The following TRAF3IP2 variants were observed in gnomAD, a reference collection of about 807,000 sequenced individuals.
The protein encoded by TRAF3IP2 is E3 ubiquitin ligase TRAF3IP2.
In TRAF3IP2, 35 loss-of-function variants were observed where a neutral mutation model predicts 57.9. The ratio of observed to expected loss-of-function variants is 0.60; its 90% CI spans 0.46 to 0.80. The LOEUF is 0.80. Ranked by LOEUF, TRAF3IP2 falls within the 30% of genes least tolerant of loss-of-function variation. The pLI is 0.00. For missense variants in TRAF3IP2, 556 were observed against 706.4 expected, an observed-to-expected ratio of 0.79 and a Z score of 2.41; for synonymous variants, 251 against 268.9, an observed-to-expected ratio of 0.93 and a Z score of 0.65.
At chr6:111,597,480 C>A (rs1423822158) in intron 1 of TRAF3IP2, among the ~76,000 whole-genome samples, 2 of 152,214 alleles carry the variant, frequency 1.3e-5, no homozygotes, top group African/African-American at 4.8e-5. Flanking sequence ...ACCCTGCCAA[C>A]TCTCCTGAGG....
intron 8 of TRAF3IP2, among the ~76,000 whole-genome samples, chr6:111,560,867 G>C (rs1336393772): frequency 1.3e-5 from 2 of 152,256 alleles, no homozygotes; most frequent in South Asian, 2.1e-4. Flanking sequence ...AAGGGACAAT[G>C]AAATATATCA....
intron 5 of TRAF3IP2, 122 bp from the exon 6 acceptor site, chr6:111,567,814 G>T: frequency 2.9e-6 from 2 of 683,730 alleles, no homozygotes; most frequent in Non-Finnish European, 4.4e-6. Context: ...CTTTTTGCAA[G>T]AAGGAGCACA....
At chr6:111,581,277 G>T (rs3777911) in intron 2 of TRAF3IP2, among the ~76,000 whole-genome samples, 40 of 152,142 alleles carry the variant, frequency 2.6e-4, no homozygotes, top group Middle Eastern at 6.8e-3. Context: ...AGGCCCAAAG[G>T]GGGTAAGGTG....
chr6:111,572,676 G>A (rs1254995160), intron 5 of TRAF3IP2: 3 of 545,560 alleles, frequency 5.5e-6, no homozygotes, highest in South Asian at 2.2e-5. Flanking sequence ...AGGTACTTGG[G>A]GTCACTCAAA....
chr6:111,577,016 C>A (rs1796011527), intron 3 of TRAF3IP2: 1 of 151,776 alleles, frequency 6.6e-6, no homozygotes, highest in Admixed American at 6.6e-5. Flanking sequence ...TACACAGAAT[C>A]TCAACTGTAC....
intron 4 of TRAF3IP2, chr6:111,574,099 G>T (rs564551317): frequency 1.6e-4 from 25 of 152,344 alleles, no homozygotes; most frequent in African/African-American, 6.0e-4. Context: ...GGACTATAAT[G>T]TATGTGGGGC....
chr6:111,566,305 C>G, intron 7 of TRAF3IP2, 139 bp downstream of exon 7: 1 of 707,126 alleles, frequency 1.4e-6, no homozygotes, highest in South Asian at 1.7e-5. Flanking sequence ...AACAGCTCCT[C>G]TCCTGACATG....
In TRAF3IP2 at chr6:111,567,638, G is replaced by C; in HGVS notation, c.1345C>G (p.Arg449Gly). The C allele has an allele frequency of 6.2e-7, 1 of 1,609,250 alleles. No homozygotes were observed. The highest frequency in any genetic ancestry group is 8.5e-7 in the Non-Finnish European group (1 of 1,178,146). ...RGIDIIKWME[R>G]YLRDKTVMII... is the part of the protein sequence containing the mutation. ...AATGTACTTACATCCCTAAGGTAGC[G>C]CTCCATCCATTTAATGATATCAATG... The change falls in exon 6 of 9, where the codon CGC becomes GGC. Residue 449 changes from arginine (R) to glycine (G), a missense_variant. Physicochemically the swap from Arg to Gly is moderately radical, Grantham distance 125. Coordinates refer to ENST00000368761, the MANE Select transcript of TRAF3IP2 (RefSeq NM_147686.4).
chr6:111,572,920 A>C lies in TRAF3IP2; in HGVS notation c.1265T>G (p.Leu422Trp). The C allele has an allele frequency of 6.2e-7, 1 of 1,614,088 alleles. No homozygotes were observed. Among genetic ancestry groups the C allele is most frequent in the Non-Finnish European group, 8.5e-7 (1 of 1,179,992 alleles). The change falls in exon 5 of 9, where the codon TTG (leucine) becomes TGG (tryptophan). Residue 422 changes from leucine (L) to tryptophan (W), a missense_variant. This residue lies in a region of TRAF3IP2 where 128 missense variants were observed against 207.7 expected (regional missense o/e 0.62). Coordinates refer to ENST00000368761, the MANE Select transcript of TRAF3IP2 (RefSeq NM_147686.4). ...AMEVVKFVNFLLVNGFQTAID... is the reference protein window; with the variant it reads ...AMEVVKFVNFWLVNGFQTAID... ...TGCAGTTTGGAAGCCATTTACCAAC[A>C]AAAAGTTCACGAATTTCACCACCTC...
rs759924985 is a variant in TRAF3IP2, at chr6:111,580,377, T to A, written c.842A>T (p.Tyr281Phe). ...CACTTGCTGGTAGGCTGCTCGAGGG[T>A]AGTCATGGCCATCTGTAGGTGAAGA... ...PDHQVPYGHD[Y>F]PRAAYQQVIQ... The change falls in exon 3 of 9, where the codon TAC becomes TTC. Residue 281 changes from tyrosine (Y) to phenylalanine (F), a missense_variant. Around this residue, in one of 2 missense-constraint regions of TRAF3IP2, gnomAD observed 428 missense variants for 498.7 expected, o/e 0.86. Coordinates refer to ENST00000368761, the MANE Select transcript of TRAF3IP2 (RefSeq NM_147686.4). 6.4e-7 allele frequency: 1 copy of A among 1,554,954 alleles called. No homozygotes were observed. Among genetic ancestry groups the A allele is most frequent in the South Asian group, 1.2e-5 (1 of 80,922 alleles).
chr6:111,562,288 A>G (rs896458772), intron 8 of TRAF3IP2, among the ~76,000 whole-genome samples: 3 of 152,222 alleles, frequency 2.0e-5, no homozygotes, highest in Non-Finnish European at 4.4e-5. Flanking sequence ...ACTATGTGCA[A>G]TGAAATGCCT....
At chr6:111,566,047 T>C (rs1234460776) in intron 7 of TRAF3IP2, among the ~76,000 whole-genome samples, 1 of 152,118 alleles carries the variant, frequency 6.6e-6, no homozygotes, top group Non-Finnish European at 1.5e-5. Flanking sequence ...CTACGCCACC[T>C]GCCTTTCTGA....
Position 111,598,654 on chromosome 6 carries a change from C to T in TRAF3IP2, c.-8-6560G>A, listed in dbSNP as rs56085239. ...ATCTCAAATGAGGAACAGTGGTTGC[C>T]TCTGGGAAGGGAATTGGATGGCTAG... is the stretch of plus-strand genomic sequence containing the variant. On this transcript the variant is annotated intron_variant, in intron 1 of 8. Coordinates refer to ENST00000368761, the MANE Select transcript of TRAF3IP2 (RefSeq NM_147686.4). Among the ~76,000 whole-genome samples the T allele has an allele frequency of 8.4e-3, 1,273 of 152,252 alleles. 28 individuals carry two copies. The highest frequency in any genetic ancestry group is 0.029 in the African/African-American group (1,199 of 41,538).
intron 3 of TRAF3IP2, among the ~76,000 whole-genome samples, chr6:111,578,235 G>A (rs1796049653): frequency 6.6e-6 from 1 of 152,076 alleles, no homozygotes; most frequent in Admixed American, 6.6e-5. Flanking sequence ...CTTACATTTT[G>A]TTTATTTCCC....
chr6:111,594,381 A>G (rs1188122231), intron 1 of TRAF3IP2: 2 of 328,450 alleles, frequency 6.1e-6, no homozygotes, highest in Non-Finnish European at 1.2e-5. Flanking sequence ...CTTTATTGCC[A>G]TGGGATTTGC....
In TRAF3IP2 at chr6:111,575,646, ATTC is replaced by A; in HGVS notation, c.1195_1197del (p.Glu399del). On this transcript the variant is annotated inframe_deletion, in exon 4 of 9. Transcript: ENST00000368761. ...AACAATGTTGCAAACAACTTACGCA[ATTC>A]TTCTGGCAAATTGCTTGTTTTTAGA... 6.2e-7 allele frequency: 1 copy of A among 1,610,678 alleles called. No individual in the cohort carries two copies. The highest frequency in any genetic ancestry group is 8.5e-7 in the Non-Finnish European group (1 of 1,179,276).
intron 1 of TRAF3IP2, chr6:111,602,399 A>G (rs570865683): frequency 6.6e-6 from 1 of 151,222 alleles, no homozygotes; most frequent in South Asian, 2.1e-4. Flanking sequence ...TGTGATCCCT[A>G]ATTCAGCCAC....
chr6:111,605,185 C>T (rs1049976512), intron 1 of TRAF3IP2, among the ~76,000 whole-genome samples: 1 of 152,222 alleles, frequency 6.6e-6, no homozygotes, highest in African/African-American at 2.4e-5. Context: ...GCATTTCTCC[C>T]CCTTGTTCCC....
chr6:111,582,988 C>T (rs1469197901), intron 2 of TRAF3IP2, among the ~76,000 whole-genome samples: 2 of 152,232 alleles, frequency 1.3e-5, no homozygotes, highest in Non-Finnish European at 2.9e-5. Flanking sequence ...CAAATATCAC[C>T]TGTCCAAAGA....
Sources: gnomAD v4.1 joint callset for allele counts (sites outside exome capture counted in the v4.1 genomes callset) on GRCh38, gnomAD v4.1.1 for gene constraint, gnomAD v4.1.1 regional missense constraint, MANE v1.5 for transcripts, NCBI Gene and HGNC (gene_info 2026-07-23, HGNC 2026-07-21) for gene names.